The following SMPX variants were observed in gnomAD, a reference collection of about 807,000 sequenced individuals.
SMPX encodes small muscular protein.
A neutral mutation model predicts 6.3 loss-of-function variants in SMPX; 2 were observed. The observed-to-expected ratio is 0.32, with a 90% CI of 0.13 to 0.99. The LOEUF is 0.99. Ranked by LOEUF, SMPX falls within the 50% of genes least tolerant of loss-of-function variation. The pLI, the probability that SMPX is intolerant of heterozygous loss-of-function variation, is 0.49. For missense variants in SMPX, 60 were observed against 66.8 expected, an observed-to-expected ratio of 0.90 and a Z score of 0.36; for synonymous variants, 32 against 24.7, an observed-to-expected ratio of 1.30 and a Z score of -0.88.
intron 2 of SMPX, among the ~76,000 whole-genome samples, chrX:21,744,441 C>T (rs1014108268): frequency 1.6e-4 from 18 of 112,074 alleles, no homozygotes; most frequent in African/African-American, 5.8e-4. Flanking sequence ...CTTCGTATCA[C>T]CACCATTGAC....
At chrX:21,723,968 G>A (rs2092794406) in intron 4 of SMPX, among the ~76,000 whole-genome samples, 1 of 111,957 alleles carries the variant, frequency 8.9e-6, no homozygotes, top group Non-Finnish European at 1.9e-5. Flanking sequence ...CTTCCTATGT[G>A]CTGGGAATCC....
chrX:21,727,759 G>A (rs1165910894), intron 4 of SMPX: 1 of 112,171 alleles, frequency 8.9e-6, no homozygotes, highest in African/African-American at 3.2e-5. Context: ...AGACTAGAGG[G>A]TGTGGAATGA....
At chrX:21,720,483 G>A (rs762316540) in intron 4 of SMPX, among the ~76,000 whole-genome samples, 4 of 112,747 alleles carry the variant, frequency 3.5e-5, no homozygotes, top group Non-Finnish European at 5.6e-5. Flanking sequence ...CGGAAACTGT[G>A]AGACAATATT....
chrX:21,711,005 T>A (rs964913514), intron 4 of SMPX, among the ~76,000 whole-genome samples: 2 of 111,279 alleles, frequency 1.8e-5, no homozygotes, highest in African/African-American at 3.3e-5. Context: ...CACTCCCGGG[T>A]CCCGGTAGAA....
chrX:21,754,835 C>T (rs765895816), intron 1 of SMPX, among the ~76,000 whole-genome samples: 5 of 112,154 alleles, frequency 4.5e-5, no homozygotes, highest in African/African-American at 9.7e-5. Context: ...CTGTTCTGCC[C>T]AGCAACCTGG....
At chrX:21,746,678 A>C (rs2092821866) in intron 2 of SMPX, among the ~76,000 whole-genome samples, 1 of 101,048 alleles carries the variant, frequency 9.9e-6, no homozygotes, top group Non-Finnish European at 2.0e-5. Flanking sequence ...TTGACAGCAG[A>C]TATTGACAGG....
intron 4 of SMPX, 67 bp downstream of exon 4, chrX:21,737,482 G>T: frequency 1.1e-6 from 1 of 937,922 alleles, no homozygotes; most frequent in Non-Finnish European, 1.5e-6. Context: ...GATTTCTTCT[G>T]TGGAAGGCTT....
intron 3 of SMPX, among the ~76,000 whole-genome samples, chrX:21,741,922 A>G (rs1280387433): frequency 8.9e-6 from 1 of 112,455 alleles, no homozygotes; most frequent in Non-Finnish European, 1.9e-5. Context: ...ACCAAGCTGT[A>G]TCAGTTCTTG....
intron 4 of SMPX, among the ~76,000 whole-genome samples, chrX:21,731,847 TA>T (rs2092805459): frequency 9.3e-6 from 1 of 107,035 alleles, no homozygotes; most frequent in South Asian, 4.1e-4. Flanking sequence ...TATATATATA[TA>T]TGTTAGGTCT....
chrX:21,753,427 A>G (rs1238623894), intron 2 of SMPX, among the ~76,000 whole-genome samples: 1 of 111,599 alleles, frequency 9.0e-6, no homozygotes, highest in African/African-American at 3.3e-5. Context: ...GTGATGGTGC[A>G]TCAGGCCTAA....
chrX:21,728,691 A>G (rs2092800167), intron 4 of SMPX, among the ~76,000 whole-genome samples: 1 of 112,585 alleles, frequency 8.9e-6, no homozygotes, highest in Non-Finnish European at 1.9e-5. Flanking sequence ...GGTGATAGTG[A>G]TTAAAAGGAC....
At chrX:21,749,701 C>G (rs2092825404) in intron 2 of SMPX, among the ~76,000 whole-genome samples, 1 of 112,085 alleles carries the variant, frequency 8.9e-6, no homozygotes, top group African/African-American at 3.2e-5. Context: ...ATGGAAATCC[C>G]ACTGCACTGG....
At position 21,714,508 on chromosome X, in the gene SMPX, T is replaced by C. The variant is rs144263549; in HGVS notation, c.*15-8114A>G. Among the ~76,000 whole-genome samples, 405 of 111,949 alleles carry C rather than the reference T, an allele frequency of 3.6e-3. 1 individual carries two copies. Among genetic ancestry groups the C allele is most frequent in the African/African-American group, 0.013 (395 of 30,847 alleles). ...AACACAACCTTTTCCATGTGAACATTTTCTTTAGAATGGACTTCCATCAAG... is the reference window on the plus strand; with the variant it reads ...AACACAACCTTTTCCATGTGAACATCTTCTTTAGAATGGACTTCCATCAAG... On this transcript the variant is annotated intron_variant, in intron 4 of 4. Coordinates refer to ENST00000379494, the MANE Select transcript of SMPX (RefSeq NM_014332.3).
At chrX:21,714,906 C>T (rs758180341) in intron 4 of SMPX, among the ~76,000 whole-genome samples, 2 of 111,747 alleles carry the variant, frequency 1.8e-5, no homozygotes, top group African/African-American at 3.3e-5. Context: ...ACATTTCATG[C>T]AAAACAATTT....
chrX:21,721,202 G>A (rs960213784), intron 4 of SMPX, among the ~76,000 whole-genome samples: 11 of 111,682 alleles, frequency 9.8e-5, no homozygotes, highest in Admixed American at 3.8e-4. Flanking sequence ...TCTATATATT[G>A]CTGGGTAGAC....
chrX:21,721,513 T>C (rs1037376207), intron 4 of SMPX, among the ~76,000 whole-genome samples: 16 of 112,534 alleles, frequency 1.4e-4, no homozygotes, highest in African/African-American at 5.2e-4. Context: ...GATTTCAGTC[T>C]AGTTCATCAA....
In SMPX at chrX:21,746,842, T is replaced by C. The variant is rs139447469; in HGVS notation, c.46-3006A>G. On this transcript the variant is annotated intron_variant, in intron 2 of 4. Coordinates refer to ENST00000379494, the MANE Select transcript of SMPX (RefSeq NM_014332.3). ...TAGCATAATTGTAGGACAGTAATCT[T>C]TGAGTGACAAGTCATAGGCTAAATT... 2.2e-3 allele frequency among the ~76,000 whole-genome samples: 243 copies of C among 111,134 alleles called. 3 individuals are homozygous for C. Among genetic ancestry groups the C allele is most frequent in the African/African-American group, 7.2e-3 (219 of 30,601 alleles).
intron 4 of SMPX, among the ~76,000 whole-genome samples, chrX:21,735,850 T>C (rs186238065): frequency 8.9e-6 from 1 of 111,853 alleles, no homozygotes; most frequent in East Asian, 2.8e-4. Context: ...CCCTACCATA[T>C]TGAAAGATTT....
chrX:21,714,738 T>C (rs1468421969), intron 4 of SMPX, among the ~76,000 whole-genome samples: 2 of 112,644 alleles, frequency 1.8e-5, no homozygotes. Context: ...AGTAACTGTT[T>C]TCTTGAACAT....
Sources: gnomAD v4.1 joint callset for allele counts (sites outside exome capture counted in the v4.1 genomes callset) on GRCh38, gnomAD v4.1.1 for gene constraint, MANE v1.5 for transcripts, NCBI Gene and HGNC (gene_info 2026-07-23, HGNC 2026-07-21) for gene names.